The following ADAMTSL1 variants were observed in gnomAD, a reference collection of about 807,000 sequenced individuals.
ADAMTSL1 encodes the protein ADAMTS like 1.
Under a neutral mutation model 201.8 loss-of-function variants are expected in ADAMTSL1, and 126 were observed. The observed-to-expected ratio is 0.62, with a 90% CI of 0.54 to 0.72. The LOEUF is 0.72. Among genes scored for constraint, ADAMTSL1 ranks in the 30% least tolerant of loss-of-function variants. The pLI, the probability that ADAMTSL1 is intolerant of heterozygous loss-of-function variation, is 0.00. For synonymous variants in ADAMTSL1, 1,121 were observed against 903.4 expected, an observed-to-expected ratio of 1.24 and a Z score of -4.32; for missense variants, 2,679 against 2,277.8, an observed-to-expected ratio of 1.18 and a Z score of -3.59.
At chr9:18,482,987 G>A (rs1325242113) in intron 1 of ADAMTSL1, among the ~76,000 whole-genome samples, 1 of 152,130 alleles carries the variant, frequency 6.6e-6, no homozygotes, top group Non-Finnish European at 1.5e-5. Flanking sequence ...AACATGCTTT[G>A]AAATTACTGT....
intron 2 of ADAMTSL1, among the ~76,000 whole-genome samples, chr9:18,426,735 C>T (rs1819239116): frequency 6.6e-6 from 1 of 151,994 alleles, no homozygotes; most frequent in Admixed American, 6.6e-5. Flanking sequence ...AAACTGAGGC[C>T]CAGAGATAAT....
Position 18,574,025 on chromosome 9 carries a change from T to G in ADAMTSL1, c.238-5T>G. 1 of 1,612,042 alleles carries G rather than the reference T, an allele frequency of 6.2e-7. No homozygotes were observed. The highest frequency in any genetic ancestry group is 8.5e-7 in the Non-Finnish European group (1 of 1,178,834). Reference sequence around the variant, plus strand: ...TTGTATGTCCTTTCTCTCTTTTTTCTCCAGGACTGCCCACCAGAAGCAGGT... The same window carrying G: ...TTGTATGTCCTTTCTCTCTTTTTTCGCCAGGACTGCCCACCAGAAGCAGGT... On this transcript the variant is annotated splice_polypyrimidine_tract_variant and splice_region_variant and intron_variant, in intron 3 of 28. Coordinates refer to ENST00000380548, the MANE Select transcript of ADAMTSL1 (RefSeq NM_001040272.6).
chr9:18,824,784 GCCTCC>G (rs1824433769), intron 21 of ADAMTSL1, among the ~76,000 whole-genome samples: 1 of 131,812 alleles, frequency 7.6e-6, no homozygotes, highest in South Asian at 2.4e-4. Flanking sequence ...TGCAACCTCT[GCCTCC>G]CAAGTTCAAG....
At chr9:18,482,604 C>T (rs956492418) in intron 1 of ADAMTSL1, among the ~76,000 whole-genome samples, 1 of 152,132 alleles carries the variant, frequency 6.6e-6, no homozygotes, top group Admixed American at 6.5e-5. Context: ...TGTGAGCAAC[C>T]TATAATAAAT....
At chr9:18,480,229 A>G (rs865930205) in intron 1 of ADAMTSL1, among the ~76,000 whole-genome samples, 2 of 152,206 alleles carry the variant, frequency 1.3e-5, no homozygotes, top group South Asian at 4.1e-4. Context: ...ACTGGGCACA[A>G]TGATAAACTG....
At chr9:18,220,139 C>T (rs1484183574) in intron 2 of ADAMTSL1, among the ~76,000 whole-genome samples, 1 of 152,200 alleles carries the variant, frequency 6.6e-6, no homozygotes, top group African/African-American at 2.4e-5. Context: ...ACTCAGTTTG[C>T]CAAGATCAAA....
intron 19 of ADAMTSL1, among the ~76,000 whole-genome samples, chr9:18,787,386 G>C (rs1048559720): frequency 6.6e-6 from 1 of 152,134 alleles, no homozygotes; most frequent in Non-Finnish European, 1.5e-5. Flanking sequence ...GTGGCAAACA[G>C]ACAGTACTAG....
intron 2 of ADAMTSL1, among the ~76,000 whole-genome samples, chr9:18,279,878 C>T (rs1832718474): frequency 6.6e-6 from 1 of 151,950 alleles, no homozygotes; most frequent in South Asian, 2.1e-4. Flanking sequence ...CCCGGGGCCA[C>T]CAGGACCAGC....
At chr9:18,186,037 T>G (rs1366831335) in intron 2 of ADAMTSL1, among the ~76,000 whole-genome samples, 1 of 152,200 alleles carries the variant, frequency 6.6e-6, no homozygotes, top group Non-Finnish European at 1.5e-5. Context: ...CCTTATAGAA[T>G]AGTAAGTAAA....
At chr9:18,295,337 GT>G (rs911196376) in intron 2 of ADAMTSL1, among the ~76,000 whole-genome samples, 54 of 150,498 alleles carry the variant, frequency 3.6e-4, no homozygotes, top group African/African-American at 1.3e-3. Context: ...GACTGCAACC[GT>G]TATTCATTTT....
At chr9:18,119,664 T>G (rs1825416665) in intron 1 of ADAMTSL1, among the ~76,000 whole-genome samples, 1 of 152,078 alleles carries the variant, frequency 6.6e-6, no homozygotes, top group Non-Finnish European at 1.5e-5. Context: ...TTTACTACTA[T>G]AAATCATTAT....
At chr9:17,952,764 C>A (rs962197802) in intron 1 of ADAMTSL1, among the ~76,000 whole-genome samples, 1 of 152,098 alleles carries the variant, frequency 6.6e-6, no homozygotes, top group Non-Finnish European at 1.5e-5. Context: ...TGGACTCAAG[C>A]CATCCATCTG....
chr9:18,411,777 A>C (rs1465598480), intron 2 of ADAMTSL1, among the ~76,000 whole-genome samples: 1 of 152,176 alleles, frequency 6.6e-6, no homozygotes, highest in Non-Finnish European at 1.5e-5. Context: ...CATAATATGC[A>C]TCACTAACTG....
At chr9:18,558,489 T>C (rs937143283) in intron 3 of ADAMTSL1, among the ~76,000 whole-genome samples, 7 of 152,216 alleles carry the variant, frequency 4.6e-5, no homozygotes, top group Admixed American at 1.3e-4. Context: ...TGTGTCTTTA[T>C]ACTAGAATTA....
chr9:18,861,148 C>A (rs1240489623), intron 23 of ADAMTSL1, among the ~76,000 whole-genome samples: 1 of 152,072 alleles, frequency 6.6e-6, no homozygotes, highest in East Asian at 1.9e-4. Context: ...ATACAGAGAT[C>A]ATATACACAT....
At chr9:18,599,043 G>A (rs1229905883) in intron 4 of ADAMTSL1, among the ~76,000 whole-genome samples, 1 of 152,084 alleles carries the variant, frequency 6.6e-6, no homozygotes, top group Non-Finnish European at 1.5e-5. Flanking sequence ...CTACTCCTGA[G>A]GGTGACTGTC....
chr9:17,914,168 T>C (rs1003347084), intron 1 of ADAMTSL1, among the ~76,000 whole-genome samples: 31 of 152,302 alleles, frequency 2.0e-4, no homozygotes, highest in Middle Eastern at 3.4e-3. Flanking sequence ...CTAACTCATT[T>C]TATGAGGCCA....
chr9:18,760,165 T>C (rs1819991985), intron 16 of ADAMTSL1, among the ~76,000 whole-genome samples: 1 of 152,222 alleles, frequency 6.6e-6, no homozygotes, highest in Non-Finnish European at 1.5e-5. Context: ...TGTCCTGCTT[T>C]CTACCTGGAA....
chr9:18,127,017 C>G (rs186875732), intron 1 of ADAMTSL1, among the ~76,000 whole-genome samples: 7 of 151,980 alleles, frequency 4.6e-5, no homozygotes, highest in African/African-American at 1.7e-4. Context: ...ACTGTGTGTC[C>G]GTCAAGATGC....
Sources: allele counts gnomAD v4.1 joint callset (sites outside exome capture counted in the v4.1 genomes callset), GRCh38; gene constraint gnomAD v4.1.1; transcripts MANE v1.5; gene names NCBI Gene and HGNC (gene_info 2026-07-23, HGNC 2026-07-21).